CLMP: variants seen among roughly 807,000 people sequenced by gnomAD.
The protein encoded by CLMP is CXADR-like membrane protein.
In CLMP, 27 loss-of-function variants were observed where a neutral mutation model predicts 45.2. That is an observed-to-expected ratio of 0.60 (90% CI 0.44 to 0.82). CLMP has a LOEUF of 0.82. Among genes scored for constraint, CLMP ranks in the 40% least tolerant of loss-of-function variants. The pLI, the probability that CLMP is intolerant of heterozygous loss-of-function variation, is 0.00. For synonymous variants in CLMP, 167 were observed against 171.4 expected (o/e 0.97, Z 0.20); for missense variants, 403 against 448.4 (o/e 0.90, Z 0.91).
chr11:123,085,766 T>C (rs999126230), intron 2 of CLMP, among the ~76,000 whole-genome samples: 1 of 142,684 alleles, frequency 7.0e-6, no homozygotes, highest in African/African-American at 2.7e-5. Flanking sequence ...ACTAATTTTT[T>C]ATGTTTTTTT....
intron 1 of CLMP, among the ~76,000 whole-genome samples, chr11:123,109,357 C>A (rs1860606495): frequency 6.6e-6 from 1 of 151,952 alleles, no homozygotes; most frequent in African/African-American, 2.4e-5. Flanking sequence ...CAAATGTTAT[C>A]ATTTGTTATC....
In CLMP at chr11:123,135,987, A is replaced by C; in HGVS notation, c.29-38035T>G. 17 of 565,202 alleles carry C rather than the reference A, an allele frequency of 3.0e-5. 1 individual carries two copies. Among genetic ancestry groups the C allele is most frequent in the South Asian group, 2.4e-4 (17 of 70,276 alleles). 35.0% of individuals were successfully genotyped at this position (565,202 alleles called of 1,614,324 possible). A position where few individuals can be genotyped will look rare whatever the true frequency, so the allele number is the denominator to read the frequency against. Reference sequence around the variant, plus strand: ...GGGTATCACAATGTGCTGCTTGATAAATTCTATTGCTTCTTCAATTAAATT... The same window carrying C: ...GGGTATCACAATGTGCTGCTTGATACATTCTATTGCTTCTTCAATTAAATT... On this transcript the variant is annotated intron_variant, in intron 1 of 6. Transcript: ENST00000448775.
At chr11:123,184,658 AG>A (rs1184943048) in intron 1 of CLMP, among the ~76,000 whole-genome samples, 1 of 152,260 alleles carries the variant, frequency 6.6e-6, no homozygotes, top group Non-Finnish European at 1.5e-5. Flanking sequence ...AGAAGGAGTC[AG>A]TCAACATTGC....
intron 1 of CLMP, among the ~76,000 whole-genome samples, chr11:123,106,123 G>T (rs538893431): frequency 6.6e-6 from 1 of 151,680 alleles, no homozygotes; most frequent in African/African-American, 2.4e-5. Context: ...GCTATTATGA[G>T]ATTTTATTGT....
intron 1 of CLMP, among the ~76,000 whole-genome samples, chr11:123,150,478 A>AG (rs1565397418): frequency 4.6e-3 from 478 of 103,172 alleles, no homozygotes; most frequent in Non-Finnish European, 5.4e-3. Context: ...AAAGAAAGAA[A>AG]GAAAGGAAGG....
chr11:123,119,043 C>T (rs1342490839), intron 1 of CLMP, among the ~76,000 whole-genome samples: 1 of 39,592 alleles, frequency 2.5e-5, no homozygotes. Context: ...CTCTCTCTCT[C>T]TCCCTCTCCC....
chr11:123,179,692 C>T (rs901574523), intron 1 of CLMP, among the ~76,000 whole-genome samples: 3 of 152,164 alleles, frequency 2.0e-5, no homozygotes, highest in African/African-American at 4.8e-5. Context: ...GTGTCCTGGG[C>T]CCCCTTTGCA....
chr11:123,152,193 A>G (rs761188768), intron 1 of CLMP, among the ~76,000 whole-genome samples: 1 of 152,154 alleles, frequency 6.6e-6, no homozygotes, highest in Non-Finnish European at 1.5e-5. Context: ...AGCTATACAC[A>G]TATATTATTA....
chr11:123,148,062 T>C (rs1166612476), intron 1 of CLMP, among the ~76,000 whole-genome samples: 6 of 152,182 alleles, frequency 3.9e-5, no homozygotes, highest in African/African-American at 1.2e-4. Flanking sequence ...GACCTTTCCA[T>C]ACCTGAACAC....
chr11:123,178,923 G>A (rs756012093), intron 1 of CLMP, among the ~76,000 whole-genome samples: 5 of 152,192 alleles, frequency 3.3e-5, no homozygotes, highest in African/African-American at 9.7e-5. Flanking sequence ...ATATGAAAAC[G>A]TCTAGCACAG....
intron 1 of CLMP, among the ~76,000 whole-genome samples, chr11:123,178,367 A>G (rs903255175): frequency 2.0e-5 from 3 of 152,198 alleles, no homozygotes; most frequent in Non-Finnish European, 4.4e-5. Flanking sequence ...CCAAGTGTGC[A>G]TCATTCCTCA....
chr11:123,098,523 C>T lies in CLMP; in HGVS notation c.29-571G>A, dbSNP rs116586662. On this transcript the variant is annotated intron_variant, in intron 1 of 6. Transcript: ENST00000448775. ...TATTATAAGCATGAGCCACTGTGCC[C>T]GGCCTGTTTGTTTGTTTGTTTGTTT... Among the ~76,000 whole-genome samples the T allele has an allele frequency of 4.4e-3, 665 of 151,558 alleles. 4 individuals carry two copies. The highest frequency in any genetic ancestry group is 0.015 in the African/African-American group (622 of 41,346).
intron 1 of CLMP, among the ~76,000 whole-genome samples, chr11:123,178,789 A>G (rs1591488314): frequency 6.6e-6 from 1 of 152,256 alleles, no homozygotes; most frequent in East Asian, 1.9e-4. Context: ...TGGCCTCTGA[A>G]GCTTACAGGG....
chr11:123,139,150 G>A (rs745878476), intron 1 of CLMP, among the ~76,000 whole-genome samples: 5 of 151,966 alleles, frequency 3.3e-5, no homozygotes, highest in Non-Finnish European at 7.4e-5. Flanking sequence ...GACTGAAATC[G>A]TCTGGCTTAT....
chr11:123,167,791 T>C (rs1861578980), intron 1 of CLMP, among the ~76,000 whole-genome samples: 1 of 152,234 alleles, frequency 6.6e-6, no homozygotes, highest in Admixed American at 6.5e-5. Context: ...TCTCACCTGC[T>C]GTGACTTCAA....
Position 123,073,130 on chromosome 11 carries a change from G to A in CLMP, c.*344C>T, listed in dbSNP as rs1865692715. 5.1e-6 allele frequency: 1 copy of A among 194,944 alleles called. No homozygotes were observed. Among genetic ancestry groups the A allele is most frequent in the South Asian group, 1.5e-4 (1 of 6,556 alleles). The allele number at this position is 194,944 out of a possible 1,614,324, so 12.1% of individuals were successfully genotyped here. A position where few individuals can be genotyped will look rare whatever the true frequency, so the allele number is the denominator to read the frequency against. On this transcript the variant is annotated 3_prime_UTR_variant, in exon 7 of 7. Coordinates refer to ENST00000448775, the MANE Select transcript of CLMP (RefSeq NM_024769.5). ...CTTGAAAATTGTGAATCAAAGCACTGATACAAAATATCCCACATTAAAAGT... is the reference window on the plus strand; with the variant it reads ...CTTGAAAATTGTGAATCAAAGCACTAATACAAAATATCCCACATTAAAAGT...
At chr11:123,177,427 G>A (rs1201720346) in intron 1 of CLMP, among the ~76,000 whole-genome samples, 1 of 152,132 alleles carries the variant, frequency 6.6e-6, no homozygotes, top group African/African-American at 2.4e-5. Flanking sequence ...CTCAGCTGGA[G>A]GACCAACACG....
chr11:123,112,528 G>A (rs1860654154), intron 1 of CLMP, among the ~76,000 whole-genome samples: 2 of 151,512 alleles, frequency 1.3e-5, no homozygotes, highest in African/African-American at 4.8e-5. Flanking sequence ...GTAGAGATGG[G>A]GTTTCACTAT....
At chr11:123,101,373 CT>C (rs1378441467) in intron 1 of CLMP, among the ~76,000 whole-genome samples, 2 of 152,224 alleles carry the variant, frequency 1.3e-5, no homozygotes, top group Non-Finnish European at 2.9e-5. Context: ...TCCCAAAGTG[CT>C]GGGATTACAG....
Sources: gnomAD v4.1 joint callset for allele counts (sites outside exome capture counted in the v4.1 genomes callset) on GRCh38, gnomAD v4.1.1 for gene constraint, MANE v1.5 for transcripts, NCBI Gene and HGNC (gene_info 2026-07-23, HGNC 2026-07-21) for gene names.